TAF4B: variants seen among roughly 807,000 people sequenced by gnomAD.
The protein encoded by TAF4B is transcription initiation factor TFIID subunit 4B.
TAF4B carries 38 observed loss-of-function variants against 86.4 expected under a neutral mutation model. The observed-to-expected ratio is 0.44, with a 90% CI of 0.34 to 0.58. The LOEUF is 0.58. Ranked by LOEUF, TAF4B falls within the 20% of genes least tolerant of loss-of-function variation. The pLI, the probability that TAF4B is intolerant of heterozygous loss-of-function variation, is 0.02. For missense variants in TAF4B, 988 were observed against 1,027.6 expected (o/e 0.96, Z 0.53); for synonymous variants, 388 against 391.2 (o/e 0.99, Z 0.10).
chr18:26,296,270 CT>C (rs1465081839), intron 9 of TAF4B, among the ~76,000 whole-genome samples: 1 of 152,134 alleles, frequency 6.6e-6, no homozygotes, highest in Non-Finnish European at 1.5e-5. Flanking sequence ...TCTCCCTCTC[CT>C]TTTTGCCTTT....
intron 14 of TAF4B, 50 bp downstream of exon 14, chr18:26,357,844 C>A: frequency 7.3e-7 from 1 of 1,379,086 alleles, no homozygotes; most frequent in South Asian, 1.3e-5. Flanking sequence ...GAAAGCAAGC[C>A]AAAAAGAAGC....
At chr18:26,289,177 C>CAA (rs1555678320) in intron 7 of TAF4B, among the ~76,000 whole-genome samples, 2 of 152,044 alleles carry the variant, frequency 1.3e-5, no homozygotes, top group African/African-American at 2.4e-5. Flanking sequence ...TAATATTACT[C>CAA]GTTTGAAAGT....
intron 7 of TAF4B, among the ~76,000 whole-genome samples, chr18:26,287,537 C>G (rs573758902): frequency 6.6e-6 from 1 of 152,270 alleles, no homozygotes; most frequent in East Asian, 1.9e-4. Context: ...TACCAGAAGG[C>G]TATGAAAGTA....
Position 26,238,201 on chromosome 18 carries a change from T to G in TAF4B, c.343+10925T>G, listed in dbSNP as rs192803518. ...TATTGACACATTTTCGAAAACCTGT[T>G]AGAGTCCTAAGCATTTTCTCCTGTT... On this transcript the variant is annotated intron_variant, in intron 1 of 14. Coordinates refer to ENST00000269142, the MANE Select transcript of TAF4B (RefSeq NM_005640.3). Among the ~76,000 whole-genome samples, 463 of 152,306 alleles carry G rather than the reference T, an allele frequency of 3.0e-3. 3 individuals are homozygous for G. Among genetic ancestry groups the G allele is most frequent in the Non-Finnish European group, 5.1e-3 (347 of 68,018 alleles).
chr18:26,265,029 T>G lies in TAF4B; in HGVS notation c.344-141T>G, dbSNP rs539765674. The G allele has an allele frequency of 4.0e-4, 317 of 785,014 alleles. 1 individual carries two copies. The highest frequency in any genetic ancestry group is 4.9e-4 in the Non-Finnish European group (255 of 519,272). The allele number at this position is 785,014 out of a possible 1,614,324, so 48.6% of individuals were successfully genotyped here. On this transcript the variant is annotated intron_variant, in intron 1 of 14. Coordinates refer to ENST00000269142, the MANE Select transcript of TAF4B (RefSeq NM_005640.3). The stretch of plus-strand genomic sequence containing the variant: ...GAGTAAAAACATTTGTTCATCTTTG[T>G]ATATAAGTAGCAGACATGAAATTCA...
chr18:26,350,759 G>C (rs2057238523), intron 13 of TAF4B, among the ~76,000 whole-genome samples: 1 of 152,112 alleles, frequency 6.6e-6, no homozygotes, highest in African/African-American at 2.4e-5. Flanking sequence ...ACAGCCAACA[G>C]GTATGGGAAG....
intron 12 of TAF4B, 96 bp downstream of exon 12, chr18:26,327,236 T>C: frequency 7.1e-7 from 1 of 1,411,840 alleles, no homozygotes; most frequent in Non-Finnish European, 9.5e-7. Flanking sequence ...ATTAGGCCTT[T>C]AGATTTCTCC....
chr18:26,366,365 G>C (rs902078451), intron 14 of TAF4B: 1 of 152,168 alleles, frequency 6.6e-6, no homozygotes, highest in Admixed American at 6.5e-5. Flanking sequence ...AATCTTTTCT[G>C]TATCATTCCA....
chr18:26,285,222 G>GTTTTTGTTTTTT, intron 6 of TAF4B, among the ~76,000 whole-genome samples: 53 of 45,662 alleles, frequency 1.2e-3, no homozygotes, highest in South Asian at 2.7e-3. Context: ...TTTTTTTTTT[G>GTTTTTGTTTTTT]TTTTTTTTTT....
At chr18:26,358,636 G>A (rs1291204675) in intron 14 of TAF4B, among the ~76,000 whole-genome samples, 1 of 152,202 alleles carries the variant, frequency 6.6e-6, no homozygotes, top group Non-Finnish European at 1.5e-5. Flanking sequence ...CGTGAACCCG[G>A]AAGGCGGAGG....
intron 9 of TAF4B, among the ~76,000 whole-genome samples, chr18:26,296,770 C>G (rs779220601): frequency 1.3e-5 from 2 of 152,180 alleles, no homozygotes; most frequent in African/African-American, 4.8e-5. Flanking sequence ...GATCTGCTTT[C>G]TATCATTGTA....
At chr18:26,309,462 A>G (rs1051584463) in intron 9 of TAF4B, among the ~76,000 whole-genome samples, 2 of 151,970 alleles carry the variant, frequency 1.3e-5, no homozygotes, top group Non-Finnish European at 2.9e-5. Flanking sequence ...GTGAACTAGT[A>G]TTTTCCATAT....
chr18:26,275,460 A>G (rs1191399538), intron 5 of TAF4B, among the ~76,000 whole-genome samples: 1 of 152,144 alleles, frequency 6.6e-6, no homozygotes, highest in Non-Finnish European at 1.5e-5. Flanking sequence ...CCGGCCTGAG[A>G]TTTATTTTAA....
At chr18:26,366,159 T>G (rs2057370046) in intron 14 of TAF4B, 2 of 152,208 alleles carry the variant, frequency 1.3e-5, no homozygotes, top group African/African-American at 2.4e-5. Context: ...TATAGAATTT[T>G]TAAAACCAGA....
At chr18:26,262,217 T>TG (rs938416165) in intron 1 of TAF4B, among the ~76,000 whole-genome samples, 2 of 140,846 alleles carry the variant, frequency 1.4e-5, no homozygotes, top group East Asian at 2.4e-4. Flanking sequence ...GGGTGAGGAT[T>TG]GGGGGTAGAT....
chr18:26,311,602 C>T (rs2056854645), intron 9 of TAF4B, among the ~76,000 whole-genome samples: 1 of 152,010 alleles, frequency 6.6e-6, no homozygotes, highest in Non-Finnish European at 1.5e-5. Flanking sequence ...GCCTGGGCGA[C>T]AAAACGAGAC....
Position 26,226,642 on chromosome 18 carries a change from C to T in TAF4B, c.-292C>T, listed in dbSNP as rs147652314. ...CCCGCAGCGGGACCCGAGCCTGAGG[C>T]GCAGGGCTGAGGCAGCGCACGTGTG... On this transcript the variant is annotated 5_prime_UTR_variant, in exon 1 of 15. Coordinates refer to ENST00000269142, the MANE Select transcript of TAF4B (RefSeq NM_005640.3). 0.017 allele frequency: 5,132 copies of T among 299,120 alleles called. 66 individuals are homozygous for T. The highest frequency in any genetic ancestry group is 0.042 in the Middle Eastern group (47 of 1,112). The allele number at this position is 299,120 out of a possible 1,614,324, so 18.5% of individuals were successfully genotyped here.
At chr18:26,322,118 A>G (rs924679132) in intron 11 of TAF4B, among the ~76,000 whole-genome samples, 1 of 152,146 alleles carries the variant, frequency 6.6e-6, no homozygotes, top group Admixed American at 6.5e-5. Context: ...GTTTATAGCT[A>G]GATTTTGAAC....
intron 14 of TAF4B, among the ~76,000 whole-genome samples, chr18:26,381,642 G>A (rs1378209712): frequency 1.3e-5 from 2 of 151,838 alleles, no homozygotes; most frequent in African/African-American, 4.8e-5. Context: ...CAGGGGAATC[G>A]CTTGAACCTG....
Sources: allele counts gnomAD v4.1 joint callset (sites outside exome capture counted in the v4.1 genomes callset), GRCh38; gene constraint gnomAD v4.1.1; transcripts MANE v1.5; gene names NCBI Gene and HGNC (gene_info 2026-07-23, HGNC 2026-07-21).